Variants in CSN2 observed in about 807,000 individuals in gnomAD.
The protein encoded by CSN2 is casein beta.
A neutral mutation model predicts 27.3 loss-of-function variants in CSN2; 27 were observed. That is an observed-to-expected ratio of 0.99 (90% CI 0.73 to 1.36). The LOEUF (loss-of-function observed/expected upper bound fraction) is 1.36. Among genes scored for constraint, CSN2 ranks in the 40% most tolerant of loss-of-function variants. CSN2 has a pLI of 0.00. For synonymous variants in CSN2, 131 were observed against 94.8 expected (o/e 1.38, Z -2.22); for missense variants, 333 against 264.5 (o/e 1.26, Z -1.80).
chr4:69,961,291 TC>T lies in CSN2; in HGVS notation c.-12-285del, dbSNP rs1411042816. Among the ~76,000 whole-genome samples, 5 of 152,196 alleles carry T rather than the reference TC, an allele frequency of 3.3e-5. No individual in the cohort carries two copies. The East Asian group carries it at 9.7e-4, about 29-fold the overall frequency. ...AACTCTATCCCCACTTTTAAAAAAGTCCCATTTACAGTATTGAATTTTTCAA... is the reference window on the plus strand; with the variant it reads ...AACTCTATCCCCACTTTTAAAAAAGTCCATTTACAGTATTGAATTTTTCAA... On this transcript the variant is annotated intron_variant, in intron 1 of 7. Transcript: ENST00000353151.
At chr4:69,959,179 G>T in intron 3 of CSN2, 110 bp from the exon 4 acceptor site, 1 of 838,752 alleles carries the variant, frequency 1.2e-6, no homozygotes, top group Non-Finnish European at 1.8e-6. Context: ...TAATAACTTT[G>T]TATAATCATT....
At chr4:69,956,063 T>C (rs376120081) in intron 7 of CSN2, among the ~76,000 whole-genome samples, 23 of 152,154 alleles carry the variant, frequency 1.5e-4, no homozygotes, top group Middle Eastern at 3.4e-3. Context: ...CAAATGTAAG[T>C]ATATAGGCCC....
At chr4:69,965,138 C>T (rs1723753578) in intron 1 of CSN2, among the ~76,000 whole-genome samples, 1 of 150,980 alleles carries the variant, frequency 6.6e-6, no homozygotes, top group Non-Finnish European at 1.5e-5. Flanking sequence ...GTTTGAGGCT[C>T]TAGACAAGTT....
At chr4:69,961,378 T>C (rs1230935253) in intron 1 of CSN2, among the ~76,000 whole-genome samples, 7 of 152,088 alleles carry the variant, frequency 4.6e-5, no homozygotes, top group South Asian at 2.1e-4. Context: ...AAAAAGCTTA[T>C]CCACCATGAT....
intron 3 of CSN2, 92 bp downstream of exon 3, chr4:69,959,961 A>T: frequency 2.7e-6 from 3 of 1,095,030 alleles, no homozygotes; most frequent in Non-Finnish European, 4.1e-6. Context: ...TGTCATTAAC[A>T]TAGCTGCATT....
chr4:69,964,217 G>A (rs78651505), intron 1 of CSN2, among the ~76,000 whole-genome samples: 1,732 of 152,074 alleles, frequency 0.011, 17 homozygotes, highest in East Asian at 0.034. Context: ...ATGTACACAC[G>A]ATTCTCTTGA....
chr4:69,965,639 G>C (rs1355601814), intron 1 of CSN2, among the ~76,000 whole-genome samples, 42 bp downstream of exon 1: 1 of 151,512 alleles, frequency 6.6e-6, no homozygotes, highest in African/African-American at 2.4e-5. Context: ...TGAAATACAT[G>C]GTTAGGAGAA....
At chr4:69,961,363 A>T (rs565753526) in intron 1 of CSN2, among the ~76,000 whole-genome samples, 1 of 152,282 alleles carries the variant, frequency 6.6e-6, no homozygotes, top group East Asian at 1.9e-4. Context: ...TTTATGCAAC[A>T]CATCAAAAAG....
chr4:69,962,675 G>A (rs1031437515), intron 1 of CSN2, among the ~76,000 whole-genome samples: 8 of 152,148 alleles, frequency 5.3e-5, no homozygotes, highest in Admixed American at 3.9e-4. Context: ...ATAGGCATGG[G>A]CAAGGACTTC....
At chr4:69,963,010 G>A (rs1332089647) in intron 1 of CSN2, among the ~76,000 whole-genome samples, 1 of 152,140 alleles carries the variant, frequency 6.6e-6, no homozygotes, top group Admixed American at 6.6e-5. Context: ...GGCCATCAGA[G>A]AAATGCAAAT....
intron 5 of CSN2, 98 bp from the exon 6 acceptor site, chr4:69,957,902 A>G (rs1723458135): frequency 9.3e-7 from 1 of 1,079,300 alleles, no homozygotes; most frequent in Non-Finnish European, 1.3e-6. Context: ...ATAAATGAGT[A>G]AAAAGAGAGG....
chr4:69,960,421 CAG>C (rs969719613), intron 2 of CSN2, among the ~76,000 whole-genome samples: 20 of 150,814 alleles, frequency 1.3e-4, no homozygotes, highest in Admixed American at 9.9e-4. Flanking sequence ...TTATTAAAGA[CAG>C]AGTTTTTTAT....
chr4:69,961,657 C>T (rs1723590257), intron 1 of CSN2, among the ~76,000 whole-genome samples: 3 of 152,252 alleles, frequency 2.0e-5, no homozygotes, highest in South Asian at 2.1e-4. Context: ...GAAGCATTCC[C>T]GTTAAAAATT....
chr4:69,963,383 A>G (rs1278547369), intron 1 of CSN2, among the ~76,000 whole-genome samples: 1 of 152,086 alleles, frequency 6.6e-6, no homozygotes, highest in Non-Finnish European at 1.5e-5. Flanking sequence ...TGGCACATAT[A>G]CACCATGGAA....
chr4:69,958,871 TA>T, intron 5 of CSN2, 37 bp downstream of exon 5: 1 of 1,317,590 alleles, frequency 7.6e-7, no homozygotes, highest in South Asian at 1.3e-5. Context: ...TTATACTTTA[TA>T]ATAATTTTAA....
intron 3 of CSN2, among the ~76,000 whole-genome samples, chr4:69,959,748 G>A (rs892734680): frequency 5.3e-5 from 8 of 151,806 alleles, no homozygotes; most frequent in African/African-American, 1.9e-4. Flanking sequence ...ATAGAAGGCC[G>A]TCAGTATATG....
intron 6 of CSN2, among the ~76,000 whole-genome samples, 175 bp from the exon 7 acceptor site, chr4:69,956,530 A>G (rs1723401964): frequency 6.6e-6 from 1 of 152,010 alleles, no homozygotes; most frequent in Non-Finnish European, 1.5e-5. Context: ...AAATAAATAA[A>G]TAACCTCTTA....
At chr4:69,961,402 T>C (rs901103316) in intron 1 of CSN2, among the ~76,000 whole-genome samples, 1 of 152,140 alleles carries the variant, frequency 6.6e-6, no homozygotes, top group Non-Finnish European at 1.5e-5. Context: ...GTGGGCTTCA[T>C]CCCTGGGATG....
chr4:69,960,025 T>C, intron 3 of CSN2, 28 bp downstream of exon 3: 1 of 1,605,648 alleles, frequency 6.2e-7, no homozygotes, highest in Non-Finnish European at 8.5e-7. Context: ...ATTTTACTGT[T>C]CTAAAATTGG....
Sources: gnomAD v4.1 joint callset for allele counts (sites outside exome capture counted in the v4.1 genomes callset) on GRCh38, gnomAD v4.1.1 for gene constraint, MANE v1.5 for transcripts, NCBI Gene and HGNC (gene_info 2026-07-23, HGNC 2026-07-21) for gene names.